The following ZNG1B variants were observed in gnomAD, a reference collection of about 807,000 sequenced individuals.
The protein encoded by ZNG1B is zinc-regulated GTPase metalloprotein activator 1B.
the ZNG1B span, among the ~76,000 whole-genome samples, chr2:113,471,747 C>T: frequency 6.7e-6 from 1 of 149,724 alleles, no homozygotes; most frequent in Non-Finnish European, 1.5e-5. Flanking sequence ...GTTTTTTGTT[C>T]TTGCGATAGT....
At chr2:113,438,964 G>A in the ZNG1B span, 24 of 1,506,712 alleles carry the variant, frequency 1.6e-5, no homozygotes, top group Admixed American at 3.6e-4. Flanking sequence ...GTTTATTCCC[G>A]TTTTTTGCTC....
At chr2:113,473,712 G>A in the ZNG1B span, among the ~76,000 whole-genome samples, 1 of 146,536 alleles carries the variant, frequency 6.8e-6, no homozygotes, top group Admixed American at 6.9e-5. Flanking sequence ...GTTGAATTTT[G>A]TCAAAGGCCT....
At chr2:113,486,506 C>T in the ZNG1B span, among the ~76,000 whole-genome samples, 9 of 149,868 alleles carry the variant, frequency 6.0e-5, no homozygotes, top group South Asian at 2.1e-4. Flanking sequence ...GTAATCCTCA[C>T]GCTTTGACAG....
At chr2:113,475,263 T>A in the ZNG1B span, among the ~76,000 whole-genome samples, 6 of 151,444 alleles carry the variant, frequency 4.0e-5, no homozygotes, top group Non-Finnish European at 8.8e-5. Context: ...TTGTCTCTTT[T>A]GATCTTTGTT....
At chr2:113,477,244 GA>G in the ZNG1B span, among the ~76,000 whole-genome samples, 1 of 152,202 alleles carries the variant, frequency 6.6e-6, no homozygotes, top group Non-Finnish European at 1.5e-5. Context: ...AAGCCCGTCG[GA>G]AAAGCGCAGT....
At chr2:113,437,875 C>G in the ZNG1B span, 267 of 1,611,776 alleles carry the variant, frequency 1.7e-4, 1 homozygote, top group Non-Finnish European at 2.1e-4. Flanking sequence ...CGGAATGTTA[C>G]CGGCTGTTGG....
chr2:113,481,628 A>G, the ZNG1B span: 20 of 153,964 alleles, frequency 1.3e-4, no homozygotes, highest in African/African-American at 4.8e-4. Context: ...AGAACAATGC[A>G]TTTTTAACAT....
At chr2:113,454,138 C>T in the ZNG1B span, among the ~76,000 whole-genome samples, 1 of 152,008 alleles carries the variant, frequency 6.6e-6, no homozygotes, top group South Asian at 2.1e-4. Flanking sequence ...TGGTGGGTAA[C>T]TGGTTGAATT....
chr2:113,444,518 T>C, the ZNG1B span: 1 of 153,938 alleles, frequency 6.5e-6, no homozygotes, highest in Non-Finnish European at 1.4e-5. Flanking sequence ...TTTCCTTCAC[T>C]TTTGATAAAA....
chr2:113,475,922 AT>A, the ZNG1B span, among the ~76,000 whole-genome samples: 1 of 151,806 alleles, frequency 6.6e-6, no homozygotes, highest in Non-Finnish European at 1.5e-5. Context: ...TGCCCTTAAC[AT>A]TTTTTCCTTC....
At chr2:113,463,905 GATGA>G in the ZNG1B span, among the ~76,000 whole-genome samples, 2 of 152,014 alleles carry the variant, frequency 1.3e-5, no homozygotes, top group Non-Finnish European at 2.9e-5. Context: ...AGGAGAAAGT[GATGA>G]ATGAAGATTG....
At chr2:113,478,999 C>A in the ZNG1B span, among the ~76,000 whole-genome samples, 1 of 151,920 alleles carries the variant, frequency 6.6e-6, no homozygotes, top group Admixed American at 6.6e-5. Context: ...TGGAACAGTA[C>A]CTTTTTAGAC....
At chr2:113,471,358 G>C in the ZNG1B span, among the ~76,000 whole-genome samples, 1 of 152,052 alleles carries the variant, frequency 6.6e-6, no homozygotes. Flanking sequence ...ACTATATCTA[G>C]TACTCTTTCT....
At chr2:113,445,063 G>A in the ZNG1B span, 2 of 1,607,866 alleles carry the variant, frequency 1.2e-6, no homozygotes, top group Non-Finnish European at 1.7e-6. Context: ...CAGGTAAGAA[G>A]TGAGGTTGTT....
chr2:113,441,261 A>T, the ZNG1B span: 2 of 1,399,446 alleles, frequency 1.4e-6, no homozygotes, highest in Non-Finnish European at 9.6e-7. Flanking sequence ...ATAGCACGCA[A>T]ATTCTCAAAA....
chr2:113,443,112 G>T, the ZNG1B span, among the ~76,000 whole-genome samples: 2 of 151,880 alleles, frequency 1.3e-5, no homozygotes, highest in Admixed American at 1.3e-4. Flanking sequence ...GGGACTACAG[G>T]CGCCCGCTAC....
At chr2:113,483,825 G>A in the ZNG1B span, among the ~76,000 whole-genome samples, 1 of 152,212 alleles carries the variant, frequency 6.6e-6, no homozygotes, top group Non-Finnish European at 1.5e-5. Flanking sequence ...TGCCCTTGGT[G>A]TAGTGTATTA....
chr2:113,455,080 G>GT, the ZNG1B span, among the ~76,000 whole-genome samples: 1 of 151,834 alleles, frequency 6.6e-6, no homozygotes, highest in African/African-American at 2.4e-5. Flanking sequence ...CCCAATATTG[G>GT]TAAGTTTTTC....
chr2:113,476,529 G>T, the ZNG1B span, among the ~76,000 whole-genome samples: 2 of 149,140 alleles, frequency 1.3e-5, no homozygotes, highest in Admixed American at 1.3e-4. Flanking sequence ...TCCGTTGCTG[G>T]TGAGGAGCTG....
Sources: gnomAD v4.1 joint callset for allele counts (sites outside exome capture counted in the v4.1 genomes callset) on GRCh38, gnomAD v4.1.1 for gene constraint, MANE v1.5 for transcripts, NCBI Gene and HGNC (gene_info 2026-07-23, HGNC 2026-07-21) for gene names.